Variants in ZWILCH observed in about 807,000 individuals in gnomAD.
ZWILCH encodes the protein protein zwilch homolog.
In ZWILCH, 74 loss-of-function variants were observed where a neutral mutation model predicts 79.9. The ratio of observed to expected loss-of-function variants is 0.93; its 90% CI spans 0.77 to 1.12. The LOEUF (loss-of-function observed/expected upper bound fraction) is 1.12, where lower values mean the gene tolerates loss of function less well. Among genes scored for constraint, ZWILCH ranks in the 50% most tolerant of loss-of-function variants. The pLI is 0.00. For synonymous variants in ZWILCH, 241 were observed against 228.2 expected (o/e 1.06, Z -0.51); for missense variants, 694 against 687.5 (o/e 1.01, Z -0.11).
At chr15:66,542,340 C>T (rs949059208) in intron 17 of ZWILCH, among the ~76,000 whole-genome samples, 8 of 152,142 alleles carry the variant, frequency 5.3e-5, no homozygotes, top group Non-Finnish European at 8.8e-5. Context: ...AATCCCAGCA[C>T]TTTGGGAGGT....
chr15:66,538,605 AC>A (rs1895091775), intron 16 of ZWILCH, among the ~76,000 whole-genome samples: 1 of 152,056 alleles, frequency 6.6e-6, no homozygotes, highest in Admixed American at 6.6e-5. Context: ...CTGGTCTCAA[AC>A]TTCTGACCTG....
chr15:66,517,430 G>GTGTGTGTGTA, intron 4 of ZWILCH, among the ~76,000 whole-genome samples: 15 of 66,522 alleles, frequency 2.3e-4, no homozygotes, highest in African/African-American at 8.0e-4. Flanking sequence ...GTGTGTGTGT[G>GTGTGTGTGTA]TATATATATA....
chr15:66,516,275 G>A (rs1894251523), intron 4 of ZWILCH, among the ~76,000 whole-genome samples: 1 of 152,118 alleles, frequency 6.6e-6, no homozygotes, highest in Admixed American at 6.5e-5. Context: ...GAGAGCCTCT[G>A]GCTACCTCTC....
At chr15:66,534,042 G>C (rs2140793340) in intron 14 of ZWILCH, among the ~76,000 whole-genome samples, 1 of 152,262 alleles carries the variant, frequency 6.6e-6, no homozygotes. Context: ...GGAAGTTGAA[G>C]CTGCAGTGAG....
Position 66,521,183 on chromosome 15 carries a change from C to T in ZWILCH, c.725C>T (p.Pro242Leu). 1 of 1,612,576 alleles carries T rather than the reference C, an allele frequency of 6.2e-7. No homozygotes were observed. The highest frequency in any genetic ancestry group is 1.1e-5 in the South Asian group (1 of 91,080). The change falls in exon 7 of 19, where the codon CCA (proline) becomes CTA (leucine). Residue 242 changes from proline (P) to leucine (L), a missense_variant. By Grantham distance (98) the Pro-to-Leu change is moderately conservative. Coordinates refer to ENST00000307897, the MANE Select transcript of ZWILCH (RefSeq NM_017975.5). Reference protein sequence around the residue: ...SPVDEILQIPPLSSTATLNIK... With the variant: ...SPVDEILQIPLLSSTATLNIK... ...GTGGATGAGATTCTTCAAATCCCTC[C>T]ACTCTCTTCAACTGCAACTCTGGTA...
chr15:66,519,356 G>A (rs1894406824), intron 5 of ZWILCH, among the ~76,000 whole-genome samples: 1 of 152,112 alleles, frequency 6.6e-6, no homozygotes, highest in South Asian at 2.1e-4. Flanking sequence ...AAATTTCATT[G>A]GAAGATACAA....
At chr15:66,508,060 G>C (rs912531630) in intron 1 of ZWILCH, among the ~76,000 whole-genome samples, 1 of 152,222 alleles carries the variant, frequency 6.6e-6, no homozygotes, top group South Asian at 2.1e-4. Flanking sequence ...CATAGGCCTA[G>C]CTCTTCTGTT....
intron 16 of ZWILCH, among the ~76,000 whole-genome samples, 184 bp downstream of exon 16, chr15:66,537,447 T>A (rs1895051247): frequency 6.6e-6 from 1 of 151,504 alleles, no homozygotes; most frequent in Admixed American, 6.6e-5. Flanking sequence ...TCCTAGCACT[T>A]TGGGAGGCCG....
chr15:66,518,833 A>C, intron 4 of ZWILCH, 46 bp from the exon 5 acceptor site: 1 of 1,552,582 alleles, frequency 6.4e-7, no homozygotes. Flanking sequence ...GAAATTCTTG[A>C]ATTGGAAATC....
At chr15:66,528,079 T>C (rs182622807) in intron 10 of ZWILCH, among the ~76,000 whole-genome samples, 167 bp downstream of exon 10, 2 of 152,278 alleles carry the variant, frequency 1.3e-5, no homozygotes, top group Admixed American at 1.3e-4. Context: ...TTGTTTTCCT[T>C]AAGAAATGAT....
At chr15:66,542,055 G>C (rs192083785) in intron 17 of ZWILCH, among the ~76,000 whole-genome samples, 3 of 152,234 alleles carry the variant, frequency 2.0e-5, no homozygotes, top group African/African-American at 7.2e-5. Flanking sequence ...TTTTTTCTAA[G>C]TGTTATACAA....
At chr15:66,542,607 T>C (rs1895229534) in intron 17 of ZWILCH, among the ~76,000 whole-genome samples, 1 of 152,050 alleles carries the variant, frequency 6.6e-6, no homozygotes, top group Non-Finnish European at 1.5e-5. Context: ...TCGCAACCCA[T>C]GTTCAGAAAA....
At chr15:66,525,881 C>T (rs1432939344) in intron 8 of ZWILCH, among the ~76,000 whole-genome samples, 1 of 151,322 alleles carries the variant, frequency 6.6e-6, no homozygotes, top group Non-Finnish European at 1.5e-5. Flanking sequence ...CCTGCCTCAG[C>T]CTCCCCAGTA....
chr15:66,518,069 A>G (rs1595908327), intron 4 of ZWILCH, among the ~76,000 whole-genome samples: 1 of 150,726 alleles, frequency 6.6e-6, no homozygotes, highest in African/African-American at 2.4e-5. Flanking sequence ...CTCACATCCT[A>G]CCTCTTCAAC....
chr15:66,514,768 A>G (rs750468843), intron 3 of ZWILCH, among the ~76,000 whole-genome samples: 7 of 152,192 alleles, frequency 4.6e-5, no homozygotes, highest in Non-Finnish European at 1.0e-4. Context: ...TTGTAAACAC[A>G]TGGATAATAG....
At position 66,532,989 on chromosome 15, in the gene ZWILCH, G is replaced by T; in HGVS notation, c.1317G>T (p.Gln439His). 1.3e-6 allele frequency: 2 copies of T among 1,576,042 alleles called. No homozygotes were observed. The highest frequency in any genetic ancestry group is 8.6e-7 in the Non-Finnish European group (1 of 1,158,456). Residue 439 changes from glutamine (Q) to histidine (H), a missense_variant, in exon 14 of 19, where the codon CAG (glutamine) becomes CAT (histidine). Coordinates refer to ENST00000307897, the MANE Select transcript of ZWILCH (RefSeq NM_017975.5). Reference protein sequence around the residue: ...KKDYISFFIGQELASLNHLEY... With the variant: ...KKDYISFFIGHELASLNHLEY... Reference sequence around the variant, plus strand: ...GTATGTGTTTTTTCTTAATAGGTCAGGAACTTGCATCTTTGAATCATTTGG... The same window carrying T: ...GTATGTGTTTTTTCTTAATAGGTCATGAACTTGCATCTTTGAATCATTTGG...
At chr15:66,527,562 AT>A (rs1313884582) in intron 9 of ZWILCH, among the ~76,000 whole-genome samples, 179 bp downstream of exon 9, 3 of 152,240 alleles carry the variant, frequency 2.0e-5, no homozygotes, top group Non-Finnish European at 4.4e-5. Flanking sequence ...AATCCTAAGA[AT>A]TAATAAGATT....
In ZWILCH at chr15:66,545,080, T is replaced by C. The variant is rs181689669; in HGVS notation, c.1688-1511T>C. ...TTTTAAAGTAAATTTTGGCCAGTTGTGGTGGCTCACACCTGTAATCCCAGC... is the reference window on the plus strand; with the variant it reads ...TTTTAAAGTAAATTTTGGCCAGTTGCGGTGGCTCACACCTGTAATCCCAGC... On this transcript the variant is annotated intron_variant, in intron 17 of 18. Coordinates refer to ENST00000307897, the MANE Select transcript of ZWILCH (RefSeq NM_017975.5). Among the ~76,000 whole-genome samples the C allele has an allele frequency of 1.3e-3, 191 of 147,372 alleles. 1 individual carries two copies. The highest frequency in any genetic ancestry group is 3.4e-3 in the Middle Eastern group (1 of 292).
At chr15:66,516,508 C>CT (rs903394126) in intron 4 of ZWILCH, among the ~76,000 whole-genome samples, 16 of 145,292 alleles carry the variant, frequency 1.1e-4, no homozygotes, top group South Asian at 9.1e-4. Context: ...TTTTTTTTTT[C>CT]TTTTTTTTTT....
Sources: gnomAD v4.1 joint callset for allele counts (sites outside exome capture counted in the v4.1 genomes callset) on GRCh38, gnomAD v4.1.1 for gene constraint, MANE v1.5 for transcripts, NCBI Gene and HGNC (gene_info 2026-07-23, HGNC 2026-07-21) for gene names.